Variants in FUT9 observed in about 807,000 individuals in gnomAD.
FUT9 encodes the protein fucosyltransferase 9.
Under a neutral mutation model 29.7 loss-of-function variants are expected in FUT9, and 15 were observed. That is an observed-to-expected ratio of 0.51 (90% CI 0.34 to 0.78). The LOEUF is 0.78. FUT9 is among the 30% of genes least tolerant of loss of function. The pLI, the probability that FUT9 is intolerant of heterozygous loss-of-function variation, is 0.01. For missense variants in FUT9, 319 were observed against 425.4 expected (o/e 0.75, Z 2.20); for synonymous variants, 169 against 153.7 (o/e 1.10, Z -0.74).
intron 2 of FUT9, among the ~76,000 whole-genome samples, chr6:96,202,758 T>A (rs1433594969): frequency 6.6e-6 from 1 of 152,152 alleles, no homozygotes; most frequent in East Asian, 1.9e-4. Flanking sequence ...AGTGATTATA[T>A]CAACTGGGAG....
At chr6:96,037,070 T>C (rs1770376384) in intron 1 of FUT9, 1 of 151,666 alleles carries the variant, frequency 6.6e-6, no homozygotes, top group Non-Finnish European at 1.5e-5. Flanking sequence ...TCTGGGACAT[T>C]TATCCACAGG....
chr6:96,164,597 T>A (rs1211116177), intron 2 of FUT9, among the ~76,000 whole-genome samples: 1 of 152,178 alleles, frequency 6.6e-6, no homozygotes, highest in Non-Finnish European at 1.5e-5. Context: ...AAGCTTCTTA[T>A]CAGACCTGAA....
At chr6:96,038,435 A>G (rs1264078336) in intron 1 of FUT9, among the ~76,000 whole-genome samples, 4 of 152,156 alleles carry the variant, frequency 2.6e-5, no homozygotes, top group African/African-American at 9.6e-5. Context: ...TTATGCGTTA[A>G]AACTATAAAG....
At chr6:96,123,515 A>G (rs934417822) in intron 2 of FUT9, among the ~76,000 whole-genome samples, 2 of 152,160 alleles carry the variant, frequency 1.3e-5, no homozygotes, top group African/African-American at 4.8e-5. Flanking sequence ...CCTTTGATTA[A>G]TCAACTTCCA....
chr6:96,187,234 T>C (rs1445501458), intron 2 of FUT9, among the ~76,000 whole-genome samples: 1 of 152,042 alleles, frequency 6.6e-6, no homozygotes, highest in Non-Finnish European at 1.5e-5. Context: ...TTAAGGGAAA[T>C]GTTCTGGAAG....
At chr6:96,057,711 A>G (rs1330020239) in intron 1 of FUT9, among the ~76,000 whole-genome samples, 1 of 152,190 alleles carries the variant, frequency 6.6e-6, no homozygotes, top group Non-Finnish European at 1.5e-5. Context: ...ACGAAGAGCA[A>G]TCTTATATGC....
chr6:96,068,108 T>C (rs1262622178), intron 1 of FUT9, among the ~76,000 whole-genome samples: 3 of 152,114 alleles, frequency 2.0e-5, no homozygotes, highest in Non-Finnish European at 4.4e-5. Context: ...CAACTTTGGA[T>C]TAATCATTTT....
chr6:96,021,359 G>C (rs1770066056), intron 1 of FUT9, among the ~76,000 whole-genome samples: 1 of 151,742 alleles, frequency 6.6e-6, no homozygotes, highest in Non-Finnish European at 1.5e-5. Flanking sequence ...CAAATTCAGT[G>C]GTTGATTCAG....
chr6:96,196,702 C>T (rs1773632892), intron 2 of FUT9, among the ~76,000 whole-genome samples: 2 of 152,016 alleles, frequency 1.3e-5, no homozygotes, highest in Non-Finnish European at 1.5e-5. Context: ...CAGAGTGAGA[C>T]TCCATCTCAA....
At chr6:96,031,902 C>A (rs879550439) in intron 1 of FUT9, among the ~76,000 whole-genome samples, 5 of 151,472 alleles carry the variant, frequency 3.3e-5, no homozygotes, top group African/African-American at 7.3e-5. Flanking sequence ...CACTCATTCC[C>A]AGGCATTCAA....
At position 96,209,551 on chromosome 6, in the gene FUT9, G is replaced by T. The variant is rs80108849; in HGVS notation, c.*5316G>T. On this transcript the variant is annotated 3_prime_UTR_variant, in exon 3 of 3. Coordinates refer to ENST00000302103, the MANE Select transcript of FUT9 (RefSeq NM_006581.4). ...CAAACTCTTATTACAAAAATCTAAA[G>T]ATATTTATTGATGCAAAAAATTTAG... 4.8e-5 allele frequency: 8 copies of T among 166,822 alleles called. No individual in the cohort carries two copies. Among genetic ancestry groups the T allele is most frequent in the African/African-American group, 1.9e-4 (8 of 41,490 alleles). 10.3% of individuals were successfully genotyped at this position (166,822 alleles called of 1,614,324 possible). A position where few individuals can be genotyped will look rare whatever the true frequency, so the allele number is the denominator to read the frequency against.
chr6:96,049,527 C>G (rs138642674), intron 1 of FUT9, among the ~76,000 whole-genome samples: 34 of 152,130 alleles, frequency 2.2e-4, no homozygotes, highest in Non-Finnish European at 4.4e-4. Context: ...GTTTCAAAGG[C>G]GAGGGCCAAG....
At chr6:96,160,366 G>A (rs1042401808) in intron 2 of FUT9, among the ~76,000 whole-genome samples, 5 of 152,114 alleles carry the variant, frequency 3.3e-5, no homozygotes, top group Admixed American at 2.0e-4. Context: ...TATGCTGCCC[G>A]AGTTTGCAGA....
intron 2 of FUT9, among the ~76,000 whole-genome samples, chr6:96,145,783 G>A (rs1393197931): frequency 1.3e-5 from 2 of 152,190 alleles, no homozygotes; most frequent in African/African-American, 4.8e-5. Context: ...ATCTAGGCAG[G>A]GGCTGGGGAG....
At chr6:96,146,574 T>C (rs1371693084) in intron 2 of FUT9, among the ~76,000 whole-genome samples, 1 of 152,228 alleles carries the variant, frequency 6.6e-6, no homozygotes, top group Non-Finnish European at 1.5e-5. Flanking sequence ...TGGTAAATGT[T>C]ATTTGCTTTT....
At chr6:96,099,294 G>A (rs1771548908) in intron 1 of FUT9, among the ~76,000 whole-genome samples, 2 of 152,016 alleles carry the variant, frequency 1.3e-5, no homozygotes, top group Admixed American at 6.6e-5. Flanking sequence ...TGCACATATG[G>A]AATGTGTGAC....
intron 1 of FUT9, among the ~76,000 whole-genome samples, chr6:96,065,047 A>G (rs1770940046): frequency 6.6e-6 from 1 of 152,198 alleles, no homozygotes; most frequent in African/African-American, 2.4e-5. Context: ...CTATATTTTT[A>G]GTACATGTTC....
chr6:96,144,155 G>T (rs1239885773), intron 2 of FUT9, among the ~76,000 whole-genome samples: 1 of 152,170 alleles, frequency 6.6e-6, no homozygotes, highest in Non-Finnish European at 1.5e-5. Flanking sequence ...ATGCAAACTT[G>T]TTTGTTATAT....
rs1355141525 is a variant in FUT9, at chr6:96,170,077, G to A, written c.-8-33071G>A. Among the ~76,000 whole-genome samples, 7 of 152,128 alleles carry A rather than the reference G, an allele frequency of 4.6e-5. 1 individual carries two copies. The highest frequency in any genetic ancestry group is 4.6e-4 in the Admixed American group (7 of 15,272). Reference sequence around the variant, plus strand: ...CTTGCATTCTGATATGTTTTGAAAAGTCTAATGAAATTATAAATATAATAT... The same window carrying A: ...CTTGCATTCTGATATGTTTTGAAAAATCTAATGAAATTATAAATATAATAT... On this transcript the variant is annotated intron_variant, in intron 2 of 2. Transcript: ENST00000302103.
Sources: gnomAD v4.1 joint callset for allele counts (sites outside exome capture counted in the v4.1 genomes callset) on GRCh38, gnomAD v4.1.1 for gene constraint, MANE v1.5 for transcripts, NCBI Gene and HGNC (gene_info 2026-07-23, HGNC 2026-07-21) for gene names.